Variants in TRPM1 observed in about 807,000 individuals in gnomAD.
TRPM1 encodes TRPM1-203 APA Isoform, Intron 10.
Under a neutral mutation model 149.4 loss-of-function variants are expected in TRPM1, and 113 were observed. That is an observed-to-expected ratio of 0.76 (90% CI 0.65 to 0.88). TRPM1 has a LOEUF of 0.88. Ranked by LOEUF, TRPM1 falls within the 40% of genes least tolerant of loss-of-function variation. TRPM1 has a pLI of 0.00. For synonymous variants in TRPM1, 741 were observed against 759.5 expected (o/e 0.98, Z 0.40); for missense variants, 1,976 against 2,038.7 (o/e 0.97, Z 0.59).
chr15:31,154,226 T>C (rs1446138857), intron 1 of TRPM1, among the ~76,000 whole-genome samples: 1 of 152,224 alleles, frequency 6.6e-6, no homozygotes, highest in African/African-American at 2.4e-5. Flanking sequence ...AGGTCTTCAA[T>C]GGATTGAAAA....
intron 3 of TRPM1, among the ~76,000 whole-genome samples, chr15:31,074,135 T>A (rs2140973353): frequency 6.6e-6 from 1 of 152,262 alleles, no homozygotes; most frequent in Non-Finnish European, 1.5e-5. Flanking sequence ...CCCATGTTCA[T>A]AATAGATATT....
chr15:31,080,547 CAAGG>C (rs1481740531), intron 2 of TRPM1, among the ~76,000 whole-genome samples: 1 of 152,140 alleles, frequency 6.6e-6, no homozygotes, highest in Admixed American at 6.5e-5. Flanking sequence ...CACGAAAAGA[CAAGG>C]AAGAACTGAG....
intron 1 of TRPM1, among the ~76,000 whole-genome samples, chr15:31,089,973 T>G (rs1480118940): frequency 6.6e-6 from 1 of 152,196 alleles, no homozygotes; most frequent in African/African-American, 2.4e-5. Flanking sequence ...GTTTGGTTTT[T>G]CTTTGCTTAA....
Position 31,076,945 on chromosome 15 carries a change from C to A in TRPM1, c.43G>T (p.Glu15Ter), listed in dbSNP as rs771803302. 6.2e-7 allele frequency: 1 copy of A among 1,612,778 alleles called. No individual in the cohort carries two copies. The highest frequency in any genetic ancestry group is 8.5e-7 in the Non-Finnish European group (1 of 1,178,798). ...ATGCTAGGAATTACAAAGATACATTCCCGTTTGCAAAAGGTTTTCTCTATC... is the reference window on the plus strand; with the variant it reads ...ATGCTAGGAATTACAAAGATACATTACCGTTTGCAAAAGGTTTTCTCTATC... The part of the protein sequence containing the change: ...SWIEKTFCKR[E>*]CIFVIPSMKD... Residue 15 changes from glutamate to a stop codon, truncating the protein, a stop_gained, in exon 3 of 28, where the codon GAA becomes TAA. Transcript: ENST00000256552. LOFTEE classifies it high-confidence loss of function.
chr15:31,083,692 C>A (rs1326527132), intron 1 of TRPM1, among the ~76,000 whole-genome samples: 4 of 152,212 alleles, frequency 2.6e-5, no homozygotes, highest in Non-Finnish European at 5.9e-5. Flanking sequence ...CACTGGAGGT[C>A]CTGGCCTGGG....
intron 1 of TRPM1, among the ~76,000 whole-genome samples, chr15:31,115,758 A>G (rs2035789353): frequency 6.6e-6 from 1 of 151,616 alleles, no homozygotes; most frequent in African/African-American, 2.4e-5. Flanking sequence ...AAGGGAAACT[A>G]CATTATCAGA....
At chr15:31,106,091 C>G (rs1173710961), upstream of TRPM1, among the ~76,000 whole-genome samples, 1 of 151,900 alleles carries the variant, frequency 6.6e-6, no homozygotes, top group Non-Finnish European at 1.5e-5. Flanking sequence ...GCTGTGGCAT[C>G]TGTCTTTCTC....
At chr15:31,019,782 C>T (rs539974267) in intron 27 of TRPM1, among the ~76,000 whole-genome samples, 2 of 152,304 alleles carry the variant, frequency 1.3e-5, no homozygotes, top group Non-Finnish European at 2.9e-5. Context: ...AGTGATCCAC[C>T]TTGGCCTCCC....
chr15:31,037,982 A>G (rs1283845055), intron 19 of TRPM1, 62 bp downstream of exon 19: 1 of 1,613,266 alleles, frequency 6.2e-7, no homozygotes, highest in Non-Finnish European at 8.5e-7. Flanking sequence ...TGGTACAAGA[A>G]ATCTCAACAA....
chr15:31,062,737 C>T, intron 8 of TRPM1, 35 bp from the exon 9 acceptor site: 1 of 1,610,526 alleles, frequency 6.2e-7, no homozygotes, highest in Non-Finnish European at 8.5e-7. Flanking sequence ...CAAAACAAGG[C>T]AAGTTAAATC....
chr15:31,045,522 G>A (rs2338834), intron 16 of TRPM1, among the ~76,000 whole-genome samples: 108,628 of 151,938 alleles, frequency 0.71, 39,087 homozygotes, highest in East Asian at 0.95. Context: ...ACACTTTTGG[G>A]GACTAGTGAA....
Position 31,045,290 on chromosome 15 carries a change from T to C in TRPM1, c.1794+914A>G, listed in dbSNP as rs139877780. Among the ~76,000 whole-genome samples the C allele has an allele frequency of 8.8e-4, 134 of 152,366 alleles. 1 individual carries two copies. Among genetic ancestry groups the C allele is most frequent in the African/African-American group, 3.2e-3 (132 of 41,588 alleles). ...GAGTCAATCCTAATATTCCACAATATGGCATTTCTTCCATTCATTTAAATA... is the reference window on the plus strand; with the variant it reads ...GAGTCAATCCTAATATTCCACAATACGGCATTTCTTCCATTCATTTAAATA... On this transcript the variant is annotated intron_variant, in intron 16 of 27. Transcript: ENST00000256552.
intron 1 of TRPM1, among the ~76,000 whole-genome samples, chr15:31,123,467 C>T (rs1414055993): frequency 1.3e-5 from 2 of 152,010 alleles, no homozygotes; most frequent in Non-Finnish European, 2.9e-5. Context: ...TGTTGAACTC[C>T]TAAAGCTCAA....
At chr15:31,073,401 C>T (rs151067579) in intron 3 of TRPM1, among the ~76,000 whole-genome samples, 163 of 152,204 alleles carry the variant, frequency 1.1e-3, no homozygotes, top group African/African-American at 3.8e-3. Flanking sequence ...CCTTTTATTA[C>T]TGTAGCTTTG....
chr15:31,118,107 A>C (rs2035826034), intron 1 of TRPM1, among the ~76,000 whole-genome samples: 1 of 152,080 alleles, frequency 6.6e-6, no homozygotes, highest in Non-Finnish European at 1.5e-5. Context: ...CTAAAAATAC[A>C]AAAAATTAGC....
intron 16 of TRPM1, 133 bp from the exon 17 acceptor site, chr15:31,042,376 A>G: frequency 1.1e-6 from 1 of 894,172 alleles, no homozygotes; most frequent in African/African-American, 1.7e-5. Flanking sequence ...TTACATTTCC[A>G]CTCCGCATAT....
chr15:31,007,648 C>CAACAACAACAACAACA (rs148559185), intron 27 of TRPM1, among the ~76,000 whole-genome samples: 1 of 84,196 alleles, frequency 1.2e-5, no homozygotes, highest in Admixed American at 1.3e-4. Context: ...ACAACAGCAG[C>CAACAACAACAACAACA]GCAGCAACAA....
intron 2 of TRPM1, among the ~76,000 whole-genome samples, chr15:31,079,317 T>C (rs958491486): frequency 2.6e-5 from 4 of 152,166 alleles, no homozygotes; most frequent in African/African-American, 9.7e-5. Context: ...GCTGGGTGCT[T>C]CTGACTCTGG....
chr15:31,161,120 C>T (rs1054652778), exon 1 of TRPM1: 7 of 698,160 alleles, frequency 1.0e-5, no homozygotes, highest in East Asian at 2.7e-5. Context: ...GGGCCGAGAT[C>T]CTGGGGCGAG....
Sources: allele counts gnomAD v4.1 joint callset (sites outside exome capture counted in the v4.1 genomes callset), GRCh38; gene constraint gnomAD v4.1.1; transcripts MANE v1.5; gene names NCBI Gene and HGNC (gene_info 2026-07-23, HGNC 2026-07-21).